STIM2: variants seen among roughly 807,000 people sequenced by gnomAD.
STIM2 encodes the protein stromal interaction molecule 2.
Under a neutral mutation model 85.8 loss-of-function variants are expected in STIM2, and 31 were observed. The ratio of observed to expected loss-of-function variants is 0.36; its 90% CI spans 0.27 to 0.49. STIM2 has a LOEUF of 0.49. Among genes scored for constraint, STIM2 ranks in the 20% least tolerant of loss-of-function variants. The pLI is 0.98. For missense variants in STIM2, 841 were observed against 927.6 expected (o/e 0.91, Z 1.21); for synonymous variants, 356 against 331.1 (o/e 1.08, Z -0.82).
In STIM2 at chr4:26,990,715, A is replaced by G. The variant is rs144868717; in HGVS notation, c.398-4664A>G. On this transcript the variant is annotated intron_variant, in intron 3 of 11. Transcript: ENST00000467087. ...CTGACAAGAGATTAATAACCAGAAT[A>G]TATAAGGAACTCAAACAGCTCAATA... Among the ~76,000 whole-genome samples the G allele has an allele frequency of 4.2e-3, 632 of 152,256 alleles. 1 individual carries two copies. Among genetic ancestry groups the G allele is most frequent in the African/African-American group, 0.014 (602 of 41,568 alleles).
chr4:26,921,064 G>T (rs1347163349), intron 2 of STIM2, among the ~76,000 whole-genome samples: 1 of 152,170 alleles, frequency 6.6e-6, no homozygotes, highest in Non-Finnish European at 1.5e-5. Flanking sequence ...TACTGGAGTT[G>T]GGTGGGCCTG....
intron 3 of STIM2, among the ~76,000 whole-genome samples, chr4:26,980,693 T>C: frequency 6.6e-6 from 1 of 152,222 alleles, no homozygotes; most frequent in Non-Finnish European, 1.5e-5. Context: ...TAAACTAATG[T>C]AATCACTGTG....
At chr4:26,885,859 A>ATATATATATATATATATATATATATATG (rs1560194672) in intron 1 of STIM2, among the ~76,000 whole-genome samples, 1 of 89,440 alleles carries the variant, frequency 1.1e-5, no homozygotes, top group Non-Finnish European at 2.3e-5. Context: ...ATATATATAT[A>ATATATATATATATATATATATATATATG]TATATATATA....
intron 2 of STIM2, among the ~76,000 whole-genome samples, chr4:26,947,015 T>C (rs1194906310): frequency 6.6e-6 from 1 of 152,234 alleles, no homozygotes; most frequent in Non-Finnish European, 1.5e-5. Flanking sequence ...GAGTTTAATA[T>C]TTGAAAATGC....
rs754356175 is a variant in STIM2 at position 26,861,134 on chromosome 4, C to A, written c.-85C>A. On this transcript the variant is annotated 5_prime_UTR_variant, in exon 1 of 12. Coordinates refer to ENST00000467087, the MANE Select transcript of STIM2 (RefSeq NM_020860.4). Reference sequence around the variant, plus strand: ...CGGCCGGGGCGCCGCTGCGCTTTCACCCGGCTTCTCCTCGGCGCCTTCATC... The same window carrying A: ...CGGCCGGGGCGCCGCTGCGCTTTCAACCGGCTTCTCCTCGGCGCCTTCATC... 1.6e-6 allele frequency: 2 copies of A among 1,259,830 alleles called. No individual in the cohort carries two copies. The highest frequency in any genetic ancestry group is 2.0e-6 in the Non-Finnish European group (2 of 1,002,256). 78.0% of individuals were successfully genotyped at this position (1,259,830 alleles called of 1,614,324 possible).
At chr4:26,983,348 TAAAC>T (rs764392039) in intron 3 of STIM2, among the ~76,000 whole-genome samples, 43 of 152,346 alleles carry the variant, frequency 2.8e-4, no homozygotes, top group Non-Finnish European at 5.1e-4. Flanking sequence ...GTACTACAAT[TAAAC>T]AAACTTTTCC....
intron 2 of STIM2, among the ~76,000 whole-genome samples, chr4:26,945,439 A>G (rs1192672728): frequency 6.6e-6 from 1 of 152,096 alleles, no homozygotes; most frequent in Non-Finnish European, 1.5e-5. Context: ...GATAGATATG[A>G]TTTATATTCC....
intron 2 of STIM2, among the ~76,000 whole-genome samples, chr4:26,935,006 ATATCAT>A (rs1725344424): frequency 6.6e-6 from 1 of 152,006 alleles, no homozygotes; most frequent in Non-Finnish European, 1.5e-5. Flanking sequence ...GAAAGTGTAG[ATATCAT>A]TTTGATAAGG....
intron 1 of STIM2, among the ~76,000 whole-genome samples, chr4:26,880,922 A>G (rs76004890): frequency 0.028 from 4,224 of 151,956 alleles, 128 homozygotes; most frequent in African/African-American, 0.076. Flanking sequence ...AATATATGCA[A>G]GTGTAGACAA....
At chr4:26,981,247 G>T (rs1577477602) in intron 3 of STIM2, among the ~76,000 whole-genome samples, 1 of 152,116 alleles carries the variant, frequency 6.6e-6, no homozygotes, top group Non-Finnish European at 1.5e-5. Context: ...ACCTTAGAGG[G>T]TTGTGCTGAG....
intron 1 of STIM2, among the ~76,000 whole-genome samples, chr4:26,901,553 G>A (rs1325775631): frequency 6.6e-6 from 1 of 152,082 alleles, no homozygotes; most frequent in African/African-American, 2.4e-5. Context: ...AGAAGAGTTT[G>A]TCCTTTAAAT....
intron 1 of STIM2, among the ~76,000 whole-genome samples, chr4:26,902,796 A>C (rs1723971996): frequency 6.6e-6 from 1 of 152,158 alleles, no homozygotes; most frequent in African/African-American, 2.4e-5. Context: ...CCGGAGGGGA[A>C]CTATTGCAGA....
chr4:26,889,864 G>A (rs1419774720), intron 1 of STIM2, among the ~76,000 whole-genome samples: 1 of 152,146 alleles, frequency 6.6e-6, no homozygotes, highest in Non-Finnish European at 1.5e-5. Context: ...GCATTCACGT[G>A]GGACACAGAT....
chr4:26,899,553 A>G (rs1198392081), intron 1 of STIM2, among the ~76,000 whole-genome samples: 1 of 152,154 alleles, frequency 6.6e-6, no homozygotes, highest in South Asian at 2.1e-4. Context: ...TCTTTGTGGG[A>G]GAAATTCCTA....
In STIM2 at chr4:27,017,957, C is replaced by A. The variant is rs1553855805; in HGVS notation, c.1736C>A (p.Ala579Asp). The change falls in exon 11 of 12, where the codon GCC (alanine) becomes GAC (aspartate). Residue 579 changes from alanine to aspartate, a missense_variant. Ala to Asp is a moderately radical substitution (Grantham distance 126, BLOSUM62 -2). Around this residue, in one of 3 missense-constraint regions of STIM2, gnomAD observed 293 missense variants for 284.5 expected, o/e 1.03. Coordinates refer to ENST00000467087, the MANE Select transcript of STIM2 (RefSeq NM_020860.4). The stretch of plus-strand genomic sequence containing the variant: ...TATCGAAATGAAGAGGAGGAAGAGG[C>A]CATTTACTTCTCTGCTGAAAAGCAA... The A allele has an allele frequency of 1.4e-5, 22 of 1,614,094 alleles. No homozygotes were observed. The highest frequency in any genetic ancestry group is 1.9e-5 in the Non-Finnish European group (22 of 1,180,026).
At chr4:26,866,895 T>A (rs903328669) in intron 1 of STIM2, among the ~76,000 whole-genome samples, 3 of 152,246 alleles carry the variant, frequency 2.0e-5, no homozygotes, top group African/African-American at 7.2e-5. Context: ...TTTTGAACTT[T>A]CAGAGTGTTT....
At chr4:27,020,921 T>G (rs1489077129) in intron 11 of STIM2, 1 of 1,310,512 alleles carries the variant, frequency 7.6e-7, no homozygotes, top group Non-Finnish European at 1.1e-6. Context: ...TGTTCCCTTC[T>G]CACACTGTAT....
chr4:26,865,008 CAT>C (rs1486678324), intron 1 of STIM2, among the ~76,000 whole-genome samples: 1 of 152,188 alleles, frequency 6.6e-6, no homozygotes, highest in African/African-American at 2.4e-5. Context: ...ATAACTTACA[CAT>C]GTTAATGTTT....
At chr4:27,021,653 C>T (rs1053096862) in intron 11 of STIM2, 11 of 456,494 alleles carry the variant, frequency 2.4e-5, no homozygotes, top group African/African-American at 1.8e-4. Flanking sequence ...TTAAAAATCA[C>T]TTTAATGGCT....
Sources: gnomAD v4.1 joint callset for allele counts (sites outside exome capture counted in the v4.1 genomes callset) on GRCh38, gnomAD v4.1.1 for gene constraint, gnomAD v4.1.1 regional missense constraint, MANE v1.5 for transcripts, NCBI Gene and HGNC (gene_info 2026-07-23, HGNC 2026-07-21) for gene names.